Variants in METAP1 observed in about 807,000 individuals in gnomAD.
The protein encoded by METAP1 is methionyl aminopeptidase 1.
In METAP1, 28 loss-of-function variants were observed where a neutral mutation model predicts 53.8. The ratio of observed to expected loss-of-function variants is 0.52; its 90% confidence interval spans 0.39 to 0.71. METAP1 has a LOEUF of 0.71. Among genes scored for constraint, METAP1 ranks in the 30% least tolerant of loss-of-function variants. The probability of loss-of-function intolerance (pLI) is 0.00; values close to 1 mark genes in which losing one functional copy is unlikely to be tolerated. For missense variants in METAP1, 389 were observed against 479.8 expected, an observed-to-expected ratio of 0.81 and a Z score of 1.77; for synonymous variants, 181 against 165.7, an observed-to-expected ratio of 1.09 and a Z score of -0.71.
rs749697285 is a variant in METAP1 at position 99,034,221 on chromosome 4, G to C, written c.167-9G>C. The stretch of plus-strand genomic sequence containing the variant: ...TCCTTCCTCTCATATCTATTCCTCC[G>C]TCTCCCAGAAGATGAAAAGGCGAAG... On this transcript the variant is annotated splice_polypyrimidine_tract_variant and intron_variant, in intron 2 of 10. Coordinates refer to ENST00000296411, the MANE Select transcript of METAP1 (RefSeq NM_015143.3). 1.3e-6 allele frequency: 2 copies of C among 1,499,714 alleles called. No individual in the cohort carries two copies. The highest frequency in any genetic ancestry group is 2.4e-5 in the South Asian group (2 of 82,876). The allele number at this position is 1,499,714 out of a possible 1,614,324, so 92.9% of individuals were successfully genotyped here. A position where few individuals can be genotyped will look rare whatever the true frequency, so the allele number is the denominator to read the frequency against.
chr4:99,023,020 C>G, intron 1 of METAP1: 1 of 1,448,618 alleles, frequency 6.9e-7, no homozygotes, highest in Non-Finnish European at 9.3e-7. Flanking sequence ...CTTCTTGCTG[C>G]CACAGGCTGC....
chr4:99,046,437 C>A (rs1726240783), intron 8 of METAP1, among the ~76,000 whole-genome samples: 1 of 152,116 alleles, frequency 6.6e-6, no homozygotes, highest in Non-Finnish European at 1.5e-5. Context: ...AAGTTCTTAA[C>A]AGCATCTTGT....
At chr4:99,050,782 G>A (rs1031408963) in intron 9 of METAP1, among the ~76,000 whole-genome samples, 1 of 152,108 alleles carries the variant, frequency 6.6e-6, no homozygotes, top group Non-Finnish European at 1.5e-5. Context: ...GATCTGAGGT[G>A]GAACAGTTTC....
At chr4:98,998,646 C>A (rs550338920) in intron 1 of METAP1, among the ~76,000 whole-genome samples, 46 of 152,310 alleles carry the variant, frequency 3.0e-4, no homozygotes, top group African/African-American at 1.1e-3. Context: ...GCCTGGCTGT[C>A]TGGCCAGCTT....
At chr4:99,033,621 T>TA (rs1365401047) in intron 2 of METAP1, among the ~76,000 whole-genome samples, 3 of 152,220 alleles carry the variant, frequency 2.0e-5, no homozygotes, top group African/African-American at 7.2e-5. Flanking sequence ...GACCGTTCCC[T>TA]CCCTTGTCTT....
At chr4:99,023,608 A>G in intron 1 of METAP1, 5 of 985,444 alleles carry the variant, frequency 5.1e-6, no homozygotes, top group Non-Finnish European at 6.0e-6. Flanking sequence ...ATGGGTGGTC[A>G]CATTATGAAA....
At chr4:99,021,121 T>G (rs1165047543) in intron 1 of METAP1, among the ~76,000 whole-genome samples, 1 of 152,226 alleles carries the variant, frequency 6.6e-6, no homozygotes, top group Non-Finnish European at 1.5e-5. Context: ...AGTTTCTTAT[T>G]GCCTGTATTC....
intron 1 of METAP1, among the ~76,000 whole-genome samples, chr4:99,009,801 T>G (rs1225259634): frequency 1.3e-5 from 2 of 152,326 alleles, no homozygotes; most frequent in African/African-American, 4.8e-5. Context: ...TTTGCAAATC[T>G]TTTCTCCTAT....
At chr4:99,008,843 T>A (rs1248436501) in intron 1 of METAP1, among the ~76,000 whole-genome samples, 36 of 152,236 alleles carry the variant, frequency 2.4e-4, no homozygotes, top group Non-Finnish European at 1.5e-5. Context: ...TATACACCTA[T>A]ACAGTTTTGT....
Position 99,023,195 on chromosome 4 carries a change from C to T in METAP1, c.115-5672C>T. 2.1e-5 allele frequency: 11 copies of T among 518,964 alleles called. No homozygotes were observed. The South Asian group carries it at 2.7e-4, about 13-fold the overall frequency. 32.1% of individuals were successfully genotyped at this position (518,964 alleles called of 1,614,324 possible). A position where few individuals can be genotyped will look rare whatever the true frequency, so the allele number is the denominator to read the frequency against. On this transcript the variant is annotated intron_variant, in intron 1 of 10. Transcript: ENST00000296411. Reference sequence around the variant, plus strand: ...TCTAATGACTGCATAGATTCATTTGCATGGTTAAATCACAATTTAACCTAT... The same window carrying T: ...TCTAATGACTGCATAGATTCATTTGTATGGTTAAATCACAATTTAACCTAT...
At chr4:99,004,490 C>T (rs202142564) in intron 1 of METAP1, among the ~76,000 whole-genome samples, 21 of 38,632 alleles carry the variant, frequency 5.4e-4, no homozygotes, top group Non-Finnish European at 7.7e-4. Flanking sequence ...CACATACACA[C>T]ACACACACAC....
Position 99,048,770 on chromosome 4 carries a change from T to C in METAP1, c.825T>C (p.Ile275=). Reference sequence around the variant, plus strand: ...TTCGGTACAGAGAATTGGGAAACATTATCCAGAAGCATGCCCAAGCAAATG... The same window carrying C: ...TTCGGTACAGAGAATTGGGAAACATCATCCAGAAGCATGCCCAAGCAAATG... ...PGVRYRELGN[I]IQKHAQANGF... Residue 275 remains isoleucine, a synonymous_variant, in exon 9 of 11, where the codon ATT becomes ATC. Transcript: ENST00000296411. The C allele has an allele frequency of 6.2e-7, 1 of 1,613,982 alleles. No homozygotes were observed. The highest frequency in any genetic ancestry group is 2.2e-5 in the East Asian group (1 of 44,886).
chr4:99,017,686 A>G (rs1723856914), intron 1 of METAP1, among the ~76,000 whole-genome samples: 1 of 152,254 alleles, frequency 6.6e-6, no homozygotes, highest in Non-Finnish European at 1.5e-5. Context: ...TCCTAGAATC[A>G]GTCAGCCATC....
chr4:99,005,522 C>A (rs1307832373), intron 1 of METAP1, among the ~76,000 whole-genome samples: 1 of 152,128 alleles, frequency 6.6e-6, no homozygotes, highest in African/African-American at 2.4e-5. Flanking sequence ...AATACTTAAA[C>A]ACTGCTGGTG....
intron 3 of METAP1, 50 bp from the exon 4 acceptor site, chr4:99,035,350 T>G: frequency 7.4e-7 from 1 of 1,344,722 alleles, no homozygotes; most frequent in Non-Finnish European, 1.0e-6. Flanking sequence ...TCTCCCCTCG[T>G]TTTATTTATT....
At chr4:99,009,280 T>C (rs1723348704) in intron 1 of METAP1, among the ~76,000 whole-genome samples, 1 of 152,214 alleles carries the variant, frequency 6.6e-6, no homozygotes, top group African/African-American at 2.4e-5. Context: ...TGATGGACAT[T>C]TGGGTTGTCT....
At chr4:99,037,200 T>G (rs1725489498) in intron 4 of METAP1, among the ~76,000 whole-genome samples, 1 of 151,940 alleles carries the variant, frequency 6.6e-6, no homozygotes, top group Non-Finnish European at 1.5e-5. Context: ...ATAAATGTTC[T>G]TAGTATATTA....
intron 1 of METAP1, among the ~76,000 whole-genome samples, chr4:99,011,304 T>A (rs1035961792): frequency 6.6e-6 from 1 of 152,202 alleles, no homozygotes; most frequent in Non-Finnish European, 1.5e-5. Context: ...GTCTTATATA[T>A]GAGCTTTGTT....
intron 1 of METAP1, among the ~76,000 whole-genome samples, chr4:99,018,310 G>T (rs1346082319): frequency 6.6e-6 from 1 of 152,202 alleles, no homozygotes; most frequent in Non-Finnish European, 1.5e-5. Flanking sequence ...GAGTATAAAT[G>T]ATTCAGGAAG....
Sources: gnomAD v4.1 joint callset for allele counts (sites outside exome capture counted in the v4.1 genomes callset) on GRCh38, gnomAD v4.1.1 for gene constraint, MANE v1.5 for transcripts, NCBI Gene and HGNC (gene_info 2026-07-23, HGNC 2026-07-21) for gene names.